STOML3: variants seen among roughly 807,000 people sequenced by gnomAD.
STOML3 encodes the protein stomatin like 3.
Under a neutral mutation model 29.5 loss-of-function variants are expected in STOML3, and 31 were observed. The observed-to-expected ratio is 1.05, with a 90% CI of 0.79 to 1.42. STOML3 has a LOEUF of 1.42. Among genes scored for constraint, STOML3 ranks in the 40% most tolerant of loss-of-function variants. STOML3 has a pLI of 0.00. For synonymous variants in STOML3, 122 were observed against 139.8 expected (o/e 0.87, Z 0.90); for missense variants, 380 against 363.0 (o/e 1.05, Z -0.38).
rs1305080494 is a variant in STOML3, at chr13:38,966,656, T to C, written c.*169A>G. The C allele has an allele frequency of 3.5e-6, 2 of 563,960 alleles. No homozygotes were observed. Among genetic ancestry groups the C allele is most frequent in the East Asian group, 2.9e-5 (1 of 34,768 alleles). 34.9% of individuals were successfully genotyped at this position (563,960 alleles called of 1,614,324 possible). A position where few individuals can be genotyped will look rare whatever the true frequency, so the allele number is the denominator to read the frequency against. ...TAATATACAGGTCTCATTTTTGCTCTTTTTTTCTTCTCTGTATAGCCTCTA... is the reference window on the plus strand; with the variant it reads ...TAATATACAGGTCTCATTTTTGCTCCTTTTTTCTTCTCTGTATAGCCTCTA... On this transcript the variant is annotated 3_prime_UTR_variant, in exon 7 of 7. Coordinates refer to ENST00000379631, the MANE Select transcript of STOML3 (RefSeq NM_145286.3).
intron 1 of STOML3, among the ~76,000 whole-genome samples, chr13:38,980,935 T>G (rs1390630901): frequency 6.6e-6 from 1 of 152,166 alleles, no homozygotes; most frequent in Non-Finnish European, 1.5e-5. Context: ...CTGCAGCTGG[T>G]GAAATATGTG....
At chr13:38,976,197 C>A (rs1265952070) in intron 3 of STOML3, among the ~76,000 whole-genome samples, 1 of 152,152 alleles carries the variant, frequency 6.6e-6, no homozygotes, top group Non-Finnish European at 1.5e-5. Context: ...TGTGCGTTGG[C>A]CATTTACTTT....
rs868139997 is a variant in STOML3 at position 38,988,313 on chromosome 13, T to A, written c.52+2357A>T. The stretch of plus-strand genomic sequence containing the variant: ...TATTTTATATCATATATTTTATATA[T>A]AATATATTATATTTTATATATAATA... On this transcript the variant is annotated intron_variant, in intron 1 of 6. Coordinates refer to ENST00000379631, the MANE Select transcript of STOML3 (RefSeq NM_145286.3). Among the ~76,000 whole-genome samples the A allele has an allele frequency of 1.1e-3, 75 of 66,834 alleles. 6 individuals are homozygous for A. Among genetic ancestry groups the A allele is most frequent in the African/African-American group, 7.2e-3 (69 of 9,628 alleles). 43.8% of individuals were successfully genotyped at this position (66,834 alleles called of 152,430 possible).
intron 4 of STOML3, 149 bp from the exon 5 acceptor site, chr13:38,970,537 T>C (rs1446816075): frequency 9.4e-6 from 6 of 635,134 alleles, no homozygotes; most frequent in African/African-American, 1.8e-5. Context: ...CTGGCTTGGA[T>C]AGAATATCTT....
At chr13:38,974,115 A>G (rs1429102496) in intron 3 of STOML3, among the ~76,000 whole-genome samples, 1 of 152,200 alleles carries the variant, frequency 6.6e-6, no homozygotes, top group African/African-American at 2.4e-5. Context: ...AAGAAAGTTC[A>G]TTTAAGGACC....
intron 1 of STOML3, 144 bp downstream of exon 1, chr13:38,990,526 A>C (rs1868959205): frequency 1.5e-6 from 1 of 661,616 alleles, no homozygotes; most frequent in East Asian, 2.9e-5. Context: ...TAAGCAATGA[A>C]TTCAAAATCC....
At chr13:38,973,357 C>A (rs1157973587) in intron 3 of STOML3, among the ~76,000 whole-genome samples, 6 of 152,176 alleles carry the variant, frequency 3.9e-5, no homozygotes, top group Non-Finnish European at 8.8e-5. Context: ...GTTCAGGCTG[C>A]TGTAACAAAA....
intron 1 of STOML3, among the ~76,000 whole-genome samples, chr13:38,989,075 G>T (rs1307618324): frequency 1.3e-5 from 2 of 148,854 alleles, no homozygotes; most frequent in Non-Finnish European, 3.0e-5. Context: ...ATATATATCT[G>T]AGTTGCAAGG....
chr13:38,966,680 T>C lies in STOML3; in HGVS notation c.*145A>G. 1.4e-6 allele frequency: 1 copy of C among 703,530 alleles called. No homozygotes were observed. The highest frequency in any genetic ancestry group is 2.4e-6 in the Non-Finnish European group (1 of 415,790). The allele number at this position is 703,530 out of a possible 1,614,324, so 43.6% of individuals were successfully genotyped here. A position where few individuals can be genotyped will look rare whatever the true frequency, so the allele number is the denominator to read the frequency against. ...CTTTTTTTCTTCTCTGTATAGCCTC[T>C]AGAGCTTTTTCCTGCCAATGCTCTT... On this transcript the variant is annotated 3_prime_UTR_variant, in exon 7 of 7. Transcript: ENST00000379631.
At chr13:38,975,704 T>C (rs1177556705) in intron 3 of STOML3, among the ~76,000 whole-genome samples, 2 of 152,194 alleles carry the variant, frequency 1.3e-5, no homozygotes, top group Non-Finnish European at 2.9e-5. Flanking sequence ...TTCCTATGGT[T>C]CAACTAGATA....
At chr13:38,985,907 C>CTTTT (rs1868500200) in intron 1 of STOML3, among the ~76,000 whole-genome samples, 3 of 23,670 alleles carry the variant, frequency 1.3e-4, no homozygotes, top group Admixed American at 4.7e-4. Flanking sequence ...TTTTTCTTTT[C>CTTTT]TTTCTTTTTT....
At chr13:38,975,238 T>A (rs1881027522) in intron 3 of STOML3, among the ~76,000 whole-genome samples, 1 of 151,548 alleles carries the variant, frequency 6.6e-6, no homozygotes, top group Non-Finnish European at 1.5e-5. Flanking sequence ...AGAAAATCAC[T>A]TGAACCTGGA....
intron 1 of STOML3, among the ~76,000 whole-genome samples, chr13:38,987,404 G>T: frequency 6.6e-6 from 1 of 151,810 alleles, no homozygotes; most frequent in Non-Finnish European, 1.5e-5. Flanking sequence ...CATGCCTGTA[G>T]TCCCAGCTAC....
chr13:38,973,025 G>A lies in STOML3; in HGVS notation c.230-431C>T, dbSNP rs533213980. ...TGTAATCCCAGCACTCTGGGAGGCC[G>A]AGGCAGGCAGATCACCTGAGGTCAG... On this transcript the variant is annotated intron_variant, in intron 3 of 6. Coordinates refer to ENST00000379631, the MANE Select transcript of STOML3 (RefSeq NM_145286.3). Among the ~76,000 whole-genome samples, 8 of 147,192 alleles carry A rather than the reference G, an allele frequency of 5.4e-5. No individual in the cohort carries two copies. The East Asian group carries it at 1.0e-3, about 19-fold the overall frequency.
At chr13:38,980,672 C>G (rs1448417066) in intron 1 of STOML3, among the ~76,000 whole-genome samples, 1 of 152,150 alleles carries the variant, frequency 6.6e-6, no homozygotes, top group Non-Finnish European at 1.5e-5. Flanking sequence ...ATGTCATATG[C>G]CTACTTCCTA....
intron 6 of STOML3, among the ~76,000 whole-genome samples, chr13:38,968,013 G>A (rs1022042418): frequency 2.6e-5 from 4 of 152,150 alleles, no homozygotes; most frequent in Non-Finnish European, 5.9e-5. Flanking sequence ...TAAGTCACCA[G>A]CTTTATGAAA....
chr13:38,989,308 A>C (rs913732643), intron 1 of STOML3, among the ~76,000 whole-genome samples: 5 of 152,006 alleles, frequency 3.3e-5, no homozygotes, highest in African/African-American at 1.2e-4. Flanking sequence ...TACCCAGTTG[A>C]TGTCTTCACC....
chr13:38,989,037 A>G (rs1202185397), intron 1 of STOML3, among the ~76,000 whole-genome samples: 1 of 147,060 alleles, frequency 6.8e-6, no homozygotes, highest in Non-Finnish European at 1.5e-5. Context: ...TATGTTATAT[A>G]TGTTATATTG....
chr13:38,980,272 T>C, intron 1 of STOML3: 1 of 744,098 alleles, frequency 1.3e-6, no homozygotes, highest in Non-Finnish European at 2.2e-6. Flanking sequence ...AGTGGGGCTG[T>C]GAGTGCTGCT....
Sources: gnomAD v4.1 joint callset for allele counts (sites outside exome capture counted in the v4.1 genomes callset) on GRCh38, gnomAD v4.1.1 for gene constraint, MANE v1.5 for transcripts, NCBI Gene and HGNC (gene_info 2026-07-23, HGNC 2026-07-21) for gene names.